The following LRP1B variants were observed in gnomAD, a reference collection of about 807,000 sequenced individuals.
LRP1B encodes the protein low-density lipoprotein receptor-related protein 1B.
LRP1B carries 217 observed loss-of-function variants against 556.6 expected under a neutral mutation model. The ratio of observed to expected loss-of-function variants is 0.39; its 90% CI spans 0.35 to 0.44. The LOEUF (loss-of-function observed/expected upper bound fraction) is 0.44. Ranked by LOEUF, LRP1B falls within the 20% of genes least tolerant of loss-of-function variation. The pLI is 1.00. For missense variants in LRP1B, 5,053 were observed against 5,620.8 expected (o/e 0.90, Z 3.23); for synonymous variants, 2,047 against 1,865.8 (o/e 1.10, Z -2.50).
chr2:141,117,020 T>G (rs1455083501), intron 7 of LRP1B, among the ~76,000 whole-genome samples: 5 of 152,102 alleles, frequency 3.3e-5, no homozygotes, highest in African/African-American at 1.2e-4. Context: ...TATAAGATAT[T>G]TTATTAAAAT....
At chr2:140,884,782 G>A (rs577486675) in intron 24 of LRP1B, among the ~76,000 whole-genome samples, 21 of 152,106 alleles carry the variant, frequency 1.4e-4, no homozygotes, top group African/African-American at 4.1e-4. Context: ...GTGTGATCAC[G>A]GCTCATTGCA....
At chr2:140,385,313 T>C (rs528711797) in intron 67 of LRP1B, among the ~76,000 whole-genome samples, 1 of 152,304 alleles carries the variant, frequency 6.6e-6, no homozygotes, top group African/African-American at 2.4e-5. Context: ...TTTATATAAC[T>C]GCCATACTCT....
intron 2 of LRP1B, among the ~76,000 whole-genome samples, chr2:141,572,893 C>A (rs1686585220): frequency 9.4e-6 from 1 of 105,992 alleles, no homozygotes; most frequent in African/African-American, 3.4e-5. Flanking sequence ...ACAAGAAGAG[C>A]TAAGTATTCT....
At chr2:141,572,981 T>C (rs1686591032) in intron 2 of LRP1B, among the ~76,000 whole-genome samples, 1 of 152,160 alleles carries the variant, frequency 6.6e-6, no homozygotes. Context: ...CAAAGAGACA[T>C]AGACCACAAT....
chr2:140,811,779 C>T (rs1345354703), intron 32 of LRP1B, among the ~76,000 whole-genome samples: 2 of 151,962 alleles, frequency 1.3e-5, no homozygotes, highest in Non-Finnish European at 2.9e-5. Context: ...CTTATAGACA[C>T]TATGAAACAA....
intron 84 of LRP1B, among the ~76,000 whole-genome samples, chr2:140,276,760 T>C (rs1248916431): frequency 6.6e-6 from 1 of 151,990 alleles, no homozygotes; most frequent in Non-Finnish European, 1.5e-5. Context: ...ATTTTTTTAC[T>C]ATGTCATTAT....
At chr2:140,247,219 C>A (rs1681204818) in intron 86 of LRP1B, 57 bp from the exon 87 acceptor site, 1 of 1,219,054 alleles carries the variant, frequency 8.2e-7, no homozygotes, top group South Asian at 1.2e-5. Context: ...GCCCAGAAGT[C>A]AGCTAATGTA....
chr2:141,855,762 C>T (rs531758384), intron 1 of LRP1B, among the ~76,000 whole-genome samples: 34 of 152,212 alleles, frequency 2.2e-4, no homozygotes, highest in African/African-American at 8.2e-4. Context: ...CACATCCAAA[C>T]AAGTGAAGTC....
intron 60 of LRP1B, among the ~76,000 whole-genome samples, chr2:140,474,619 T>C (rs1428911140): frequency 2.0e-5 from 3 of 151,968 alleles, no homozygotes; most frequent in African/African-American, 4.8e-5. Context: ...ATCCGTGTCA[T>C]GTTTAACTAT....
chr2:141,567,133 G>A (rs1380448066), intron 2 of LRP1B, among the ~76,000 whole-genome samples: 1 of 152,044 alleles, frequency 6.6e-6, no homozygotes, highest in Non-Finnish European at 1.5e-5. Flanking sequence ...CTTTTTAAAA[G>A]GGCAAGTTTG....
intron 5 of LRP1B, among the ~76,000 whole-genome samples, chr2:141,245,453 A>G (rs565916341): frequency 6.6e-6 from 1 of 152,294 alleles, no homozygotes; most frequent in African/African-American, 2.4e-5. Flanking sequence ...GTGGTTTCAG[A>G]GAAGAAATTT....
At chr2:140,535,487 T>A (rs1028438187) in intron 46 of LRP1B, among the ~76,000 whole-genome samples, 1 of 152,148 alleles carries the variant, frequency 6.6e-6, no homozygotes, top group African/African-American at 2.4e-5. Context: ...AAGATGTCTG[T>A]GGATCTCACA....
intron 79 of LRP1B, among the ~76,000 whole-genome samples, chr2:140,330,197 C>T (rs1347934247): frequency 1.2e-4 from 9 of 75,960 alleles, no homozygotes; most frequent in Admixed American, 1.6e-4. Context: ...AAGACTCTGT[C>T]TCAATAATAA....
intron 85 of LRP1B, among the ~76,000 whole-genome samples, chr2:140,273,732 G>A (rs940509861): frequency 3.3e-5 from 5 of 151,910 alleles, no homozygotes; most frequent in Admixed American, 6.6e-5. Flanking sequence ...ATTAAAAGAG[G>A]TCTGGAGTGA....
At chr2:141,000,515 G>C (rs953191074) in intron 15 of LRP1B, among the ~76,000 whole-genome samples, 1 of 151,988 alleles carries the variant, frequency 6.6e-6, no homozygotes, top group African/African-American at 2.4e-5. Context: ...TACAAGTACA[G>C]GTGGAGATGC....
At chr2:141,502,794 G>A (rs969608477) in intron 2 of LRP1B, among the ~76,000 whole-genome samples, 1 of 151,776 alleles carries the variant, frequency 6.6e-6, no homozygotes, top group Non-Finnish European at 1.5e-5. Context: ...GGGAGGCGGA[G>A]GTTGTAGTGA....
At chr2:140,276,736 T>A (rs2104957010) in intron 84 of LRP1B, among the ~76,000 whole-genome samples, 1 of 152,130 alleles carries the variant, frequency 6.6e-6, no homozygotes, top group South Asian at 2.1e-4. Context: ...AGTCTAGTGA[T>A]GTTTCTTTGC....
chr2:141,732,116 C>G (rs1250593364), intron 2 of LRP1B, among the ~76,000 whole-genome samples: 1 of 152,068 alleles, frequency 6.6e-6, no homozygotes, highest in Non-Finnish European at 1.5e-5. Context: ...CTCATATCAC[C>G]TGAATTTCAG....
chr2:140,400,826 C>T (rs1684465415), intron 66 of LRP1B, among the ~76,000 whole-genome samples: 1 of 152,144 alleles, frequency 6.6e-6, no homozygotes, highest in African/African-American at 2.4e-5. Flanking sequence ...ATGGAAGAGA[C>T]TGCCTCCAGG....
Sources: gnomAD v4.1 joint callset for allele counts (sites outside exome capture counted in the v4.1 genomes callset) on GRCh38, gnomAD v4.1.1 for gene constraint, MANE v1.5 for transcripts, NCBI Gene and HGNC (gene_info 2026-07-23, HGNC 2026-07-21) for gene names.